The following DSG3 variants were observed in gnomAD, a reference collection of about 807,000 sequenced individuals.
The protein encoded by DSG3 is desmoglein-3.
In DSG3, 63 loss-of-function variants were observed where a neutral mutation model predicts 85.9. That is an observed-to-expected ratio of 0.73 (90% CI 0.60 to 0.90). The LOEUF is 0.90. DSG3 is among the 40% of genes least tolerant of loss of function. The probability of loss-of-function intolerance (pLI) is 0.00; values close to 1 mark genes in which losing one functional copy is unlikely to be tolerated. For missense variants in DSG3, 1,220 were observed against 1,219.9 expected, an observed-to-expected ratio of 1.00 and a Z score of 0.00; for synonymous variants, 447 against 441.9, an observed-to-expected ratio of 1.01 and a Z score of -0.14.
At chr18:31,452,454 A>G (rs11081697) in intron 1 of DSG3, among the ~76,000 whole-genome samples, 40,354 of 145,002 alleles carry the variant, frequency 0.28, 6,046 homozygotes, top group African/African-American at 0.43. Flanking sequence ...GGGAGGCAGA[A>G]CTTGCAGTGA....
rs1442920510 is a variant in DSG3 at position 31,448,665 on chromosome 18, A to AAAAAG, written c.48+743_48+744insAGAAA. ...ACTGTGTTCTTATAGCAAAAAAAAA[A>AAAAAG]AAAGAAAAGTCACAATATTATCTGT... On this transcript the variant is annotated intron_variant, in intron 1 of 15. Transcript: ENST00000257189. 1.1e-3 allele frequency among the ~76,000 whole-genome samples: 161 copies of AAAAAG among 152,082 alleles called. 2 individuals are homozygous for AAAAAG. Among genetic ancestry groups the AAAAAG allele is most frequent in the African/African-American group, 3.6e-3 (151 of 41,430 alleles).
intron 12 of DSG3, among the ~76,000 whole-genome samples, chr18:31,471,230 ATG>A (rs1037025524): frequency 2.6e-5 from 4 of 152,142 alleles, no homozygotes; most frequent in Non-Finnish European, 5.9e-5. Context: ...TATGGTCTGA[ATG>A]TGTGTGTCCC....
At position 31,475,881 on chromosome 18, in the gene DSG3, C is replaced by A; in HGVS notation, c.2621C>A (p.Ser874Tyr). Residue 874 changes from serine to tyrosine, a missense_variant, in exon 16 of 16, where the codon TCT (serine) becomes TAT (tyrosine). Coordinates refer to ENST00000257189, the MANE Select transcript of DSG3 (RefSeq NM_001944.3). ...DGEGKEVQPP[S>Y]KDSGYGIESC... The stretch of plus-strand genomic sequence containing the variant: ...GAAGGCAAAGAAGTTCAGCCACCCT[C>A]TAAAGACAGCGGTTATGGGATTGAA... The A allele has an allele frequency of 3.1e-6, 5 of 1,614,192 alleles. No homozygotes were observed. Among genetic ancestry groups the A allele is most frequent in the Non-Finnish European group, 4.2e-6 (5 of 1,180,040 alleles).
In DSG3 at chr18:31,457,046, G is replaced by A; in HGVS notation, c.138G>A (p.Arg46=). 6.2e-7 allele frequency: 1 copy of A among 1,613,250 alleles called. No individual in the cohort carries two copies. The highest frequency in any genetic ancestry group is 2.2e-5 in the East Asian group (1 of 44,766). ...EEMTMQQAKR[R]QKREWVKFAK... Reference sequence around the variant, plus strand: ...TGACTATGCAACAAGCTAAAAGAAGGCAAAAACGTGAATGGGTGAAATTTG... The same window carrying A: ...TGACTATGCAACAAGCTAAAAGAAGACAAAAACGTGAATGGGTGAAATTTG... Residue 46 remains arginine (R), a synonymous_variant, in exon 3 of 16, where the codon AGG becomes AGA. Coordinates refer to ENST00000257189, the MANE Select transcript of DSG3 (RefSeq NM_001944.3).
intron 11 of DSG3, among the ~76,000 whole-genome samples, chr18:31,468,695 G>A (rs2072836798): frequency 6.6e-6 from 1 of 152,214 alleles, no homozygotes; most frequent in African/African-American, 2.4e-5. Flanking sequence ...AAGCTCATGT[G>A]TTGAAAACTT....
chr18:31,448,113 T>A (rs1229629978), intron 1 of DSG3, among the ~76,000 whole-genome samples, 188 bp downstream of exon 1: 1 of 152,240 alleles, frequency 6.6e-6, no homozygotes, highest in African/African-American at 2.4e-5. Flanking sequence ...GTATTTTACA[T>A]AGAAAAATAA....
chr18:31,456,250 T>C (rs147457506), intron 1 of DSG3, among the ~76,000 whole-genome samples, 190 bp from the exon 2 acceptor site: 4 of 152,386 alleles, frequency 2.6e-5, no homozygotes, highest in African/African-American at 9.6e-5. Flanking sequence ...AATGTGTTTA[T>C]ATTGACAGTA....
intron 6 of DSG3, 28 bp downstream of exon 6, chr18:31,460,039 C>T: frequency 6.3e-7 from 1 of 1,589,798 alleles, no homozygotes; most frequent in South Asian, 1.2e-5. Flanking sequence ...GGGGAACATT[C>T]AAGATTAAAG....
chr18:31,474,195 G>A lies in DSG3; in HGVS notation c.2176G>A (p.Gly726Arg), dbSNP rs938607027. 5 of 1,614,090 alleles carry A rather than the reference G, an allele frequency of 3.1e-6. No homozygotes were observed. In the African/African-American group the frequency reaches 5.3e-5, roughly 17 times the overall value. ...AGGAATGGAAATGACCACTAAGCTT[G>A]GAGCAGCCACTGAATCTGGAGGTGC... ...TSGMEMTTKL[G>R]AATESGGAAG... Residue 726 changes from glycine (G) to arginine (R), a missense_variant, in exon 15 of 16, where the codon GGA (glycine) becomes AGA (arginine). Coordinates refer to ENST00000257189, the MANE Select transcript of DSG3 (RefSeq NM_001944.3).
intron 8 of DSG3, among the ~76,000 whole-genome samples, chr18:31,462,492 G>C (rs1232615944): frequency 6.6e-6 from 1 of 152,176 alleles, no homozygotes; most frequent in Non-Finnish European, 1.5e-5. Flanking sequence ...GCAGTCCTTT[G>C]TTACTGTACT....
At position 31,457,071 on chromosome 18, in the gene DSG3, G is replaced by A. The variant is rs1056278424; in HGVS notation, c.163G>A (p.Ala55Thr). The stretch of plus-strand genomic sequence containing the variant: ...GCAAAAACGTGAATGGGTGAAATTT[G>A]CCAAACCCTGCAGAGAAGGAGAAGA... The part of the protein sequence containing the change: ...RRQKREWVKF[A>T]KPCREGEDNS... The change falls in exon 3 of 16, where the codon GCC (alanine) becomes ACC (threonine). Residue 55 changes from alanine to threonine, a missense_variant. Ala to Thr is a moderately conservative substitution (Grantham distance 58). Coordinates refer to ENST00000257189, the MANE Select transcript of DSG3 (RefSeq NM_001944.3). 4 of 1,613,062 alleles carry A rather than the reference G, an allele frequency of 2.5e-6. No individual in the cohort carries two copies. Among genetic ancestry groups the A allele is most frequent in the Admixed American group, 3.3e-5 (2 of 59,932 alleles).
chr18:31,456,621 C>A, intron 2 of DSG3, 146 bp downstream of exon 2: 1 of 434,480 alleles, frequency 2.3e-6, no homozygotes, highest in Non-Finnish European at 3.9e-6. Context: ...ATTCTAATAA[C>A]TGATAACAAT....
rs1180524579 is a variant in DSG3 at position 31,477,347 on chromosome 18, C to G, written c.*1087C>G. The G allele has an allele frequency of 6.6e-6, 1 of 152,094 alleles. No homozygotes were observed. Among genetic ancestry groups the G allele is most frequent in the Non-Finnish European group, 1.5e-5 (1 of 68,030 alleles). 9.4% of individuals were successfully genotyped at this position (152,094 alleles called of 1,614,324 possible). A position where few individuals can be genotyped will look rare whatever the true frequency, so the allele number is the denominator to read the frequency against. ...TGAAAATAGCTCATTTTTTAAATGT[C>G]AGTGAGTAGATGTAGCATACATATG... On this transcript the variant is annotated 3_prime_UTR_variant, in exon 16 of 16. Coordinates refer to ENST00000257189, the MANE Select transcript of DSG3 (RefSeq NM_001944.3).
intron 1 of DSG3, among the ~76,000 whole-genome samples, chr18:31,455,304 T>C (rs920661330): frequency 1.7e-4 from 26 of 152,176 alleles, no homozygotes; most frequent in Non-Finnish European, 3.1e-4. Context: ...AGTTTTTTTT[T>C]TCTTCTGACT....
Position 31,460,909 on chromosome 18 carries a change from AT to A in DSG3, c.762del (p.Asn254LysfsTer4). On this transcript the variant is annotated frameshift_variant, in exon 7 of 16. Transcript: ENST00000257189. LOFTEE classifies it high-confidence loss of function. ...GGACTATCAACTCAATGTGAATGTAATATTAAAGTGAAAGATGTCAACGATA... is the reference window on the plus strand; with the variant it reads ...GGACTATCAACTCAATGTGAATGTAAATTAAAGTGAAAGATGTCAACGATA... ...GEGLSTQCECNIKVKDVNDNF... is the reference protein window; with the variant it reads ...GEGLSTQCECXIKVKDVNDNF... The A allele has an allele frequency of 1.9e-6, 3 of 1,605,258 alleles. No individual in the cohort carries two copies. The highest frequency in any genetic ancestry group is 2.5e-6 in the Non-Finnish European group (3 of 1,177,384).
chr18:31,476,889 G>A lies in DSG3; in HGVS notation c.*629G>A, dbSNP rs889208811. Reference sequence around the variant, plus strand: ...CAGGAGAATGGCATGAACCCGGGAAGCGGAGCTTGCAGTGAGCCGAGATTG... The same window carrying A: ...CAGGAGAATGGCATGAACCCGGGAAACGGAGCTTGCAGTGAGCCGAGATTG... On this transcript the variant is annotated 3_prime_UTR_variant, in exon 16 of 16. Transcript: ENST00000257189. 1 of 151,722 alleles carries A rather than the reference G, an allele frequency of 6.6e-6. No individual in the cohort carries two copies. The highest frequency in any genetic ancestry group is 2.4e-5 in the African/African-American group (1 of 41,230). 9.4% of individuals were successfully genotyped at this position (151,722 alleles called of 1,614,324 possible).
intron 14 of DSG3, 56 bp from the exon 15 acceptor site, chr18:31,474,065 A>G (rs527370540): frequency 1.9e-6 from 3 of 1,550,706 alleles, no homozygotes; most frequent in East Asian, 2.3e-5. Flanking sequence ...CCCATTTTAT[A>G]AAAATGCAAC....
At chr18:31,449,987 G>A (rs1049264460) in intron 1 of DSG3, among the ~76,000 whole-genome samples, 1 of 152,208 alleles carries the variant, frequency 6.6e-6, no homozygotes. Context: ...TTGATTACAT[G>A]TTGAAATGAT....
chr18:31,474,078 A>T, intron 14 of DSG3, 43 bp from the exon 15 acceptor site: 6 of 1,570,124 alleles, frequency 3.8e-6, no homozygotes, highest in Non-Finnish European at 5.2e-6. Flanking sequence ...AATGCAACAA[A>T]CAACAGCATA....
Sources: allele counts gnomAD v4.1 joint callset (sites outside exome capture counted in the v4.1 genomes callset), GRCh38; gene constraint gnomAD v4.1.1; transcripts MANE v1.5; gene names NCBI Gene and HGNC (gene_info 2026-07-23, HGNC 2026-07-21).